Variants in GNPDA2 observed in about 807,000 individuals in gnomAD.
GNPDA2 encodes glucosamine-6-phosphate deaminase 2.
Under a neutral mutation model 27.0 loss-of-function variants are expected in GNPDA2, and 24 were observed. That is an observed-to-expected ratio of 0.89 (90% CI 0.64 to 1.25). The LOEUF is 1.25. GNPDA2 is among the 50% of genes most tolerant of loss of function. The pLI is 0.00. For missense variants in GNPDA2, 286 were observed against 335.1 expected (o/e 0.85, Z 1.14); for synonymous variants, 94 against 108.4 (o/e 0.87, Z 0.83).
intron 6 of GNPDA2, chr4:44,706,582 A>G (rs1488973669): frequency 6.6e-6 from 1 of 151,956 alleles, no homozygotes; most frequent in African/African-American, 2.4e-5. Flanking sequence ...TTGAATTAAA[A>G]ATTTAAGATT....
chr4:44,713,103 T>TA (rs1269676608), intron 4 of GNPDA2, among the ~76,000 whole-genome samples: 1 of 152,230 alleles, frequency 6.6e-6, no homozygotes, highest in Non-Finnish European at 1.5e-5. Context: ...GTATGGTTGC[T>TA]ATTCTTTGGT....
At chr4:44,715,732 C>T (rs1390165337) in intron 4 of GNPDA2, among the ~76,000 whole-genome samples, 1 of 152,004 alleles carries the variant, frequency 6.6e-6, no homozygotes. Context: ...TTATTTAAAA[C>T]AGATAACCTT....
At chr4:44,722,002 T>C (rs1470542884) in intron 2 of GNPDA2, 82 bp downstream of exon 2, 5 of 1,061,834 alleles carry the variant, frequency 4.7e-6, no homozygotes, top group Non-Finnish European at 7.0e-6. Context: ...ATGGGGAAAG[T>C]ATCTTAAAAG....
chr4:44,721,412 A>G (rs1717660740), intron 2 of GNPDA2, among the ~76,000 whole-genome samples: 1 of 152,160 alleles, frequency 6.6e-6, no homozygotes, highest in African/African-American at 2.4e-5. Flanking sequence ...CCTTGTAGTC[A>G]ATAAGGAGCA....
chr4:44,714,577 A>G (rs1717165495), intron 4 of GNPDA2: 1 of 984,242 alleles, frequency 1.0e-6, no homozygotes, highest in Admixed American at 6.2e-5. Context: ...CCAAACTGCA[A>G]TCTCTATTTC....
In GNPDA2 at chr4:44,703,142, C is replaced by T; in HGVS notation, c.770G>A (p.Gly257Asp). ...LRVKTVKYFK[G>D]LMHVHNKLVD... Reference sequence around the variant, plus strand: ...AAGTTTATTGTGCACATGCATTAGACCTTAAAGAAAAAAAGCACAGTTCTA... The same window carrying T: ...AAGTTTATTGTGCACATGCATTAGATCTTAAAGAAAAAAAGCACAGTTCTA... Residue 257 changes from glycine to aspartate, a missense_variant and splice_region_variant, in exon 7 of 7, where the codon GGT becomes GAT. Gly to Asp is a moderately conservative substitution (Grantham distance 94). Coordinates refer to ENST00000295448, the MANE Select transcript of GNPDA2 (RefSeq NM_138335.3). The T allele has an allele frequency of 6.2e-7, 1 of 1,606,054 alleles. No individual in the cohort carries two copies. The highest frequency in any genetic ancestry group is 2.2e-5 in the East Asian group (1 of 44,698).
chr4:44,704,138 G>C, intron 6 of GNPDA2: 2 of 985,154 alleles, frequency 2.0e-6, no homozygotes, highest in Non-Finnish European at 2.4e-6. Flanking sequence ...GTACTGGGAA[G>C]TGTTTGTGTA....
rs527665777 is a variant in GNPDA2 at position 44,711,208 on chromosome 4, G to T, written c.410-71C>A. The T allele has an allele frequency of 5.6e-6, 5 of 889,886 alleles. No homozygotes were observed. The South Asian group carries it at 1.4e-4, about 24-fold the overall frequency. 55.1% of individuals were successfully genotyped at this position (889,886 alleles called of 1,614,324 possible). A position where few individuals can be genotyped will look rare whatever the true frequency, so the allele number is the denominator to read the frequency against. ...TTCACAAAGTTCAATGTGCGTTAAA[G>T]AACAAAAAAAAAATCACCTTGTTTT... On this transcript the variant is annotated intron_variant, in intron 4 of 6. Transcript: ENST00000295448.
intron 6 of GNPDA2, chr4:44,704,871 T>C (rs1383712208): frequency 1.0e-6 from 1 of 983,660 alleles, no homozygotes; most frequent in Non-Finnish European, 1.2e-6. Flanking sequence ...AAAAAATTCA[T>C]GATGATGATG....
chr4:44,711,229 G>T, intron 4 of GNPDA2, 92 bp from the exon 5 acceptor site: 16 of 685,474 alleles, frequency 2.3e-5, no homozygotes, highest in East Asian at 6.7e-5. Flanking sequence ...AAATCACCTT[G>T]TTTTATTTTA....
intron 6 of GNPDA2, chr4:44,707,333 G>A (rs1457852519): frequency 5.1e-6 from 1 of 196,204 alleles, no homozygotes; most frequent in Non-Finnish European, 1.0e-5. Context: ...TTAGATAGTG[G>A]GAGATCTCTT....
chr4:44,704,028 T>C (rs1004236319), intron 6 of GNPDA2: 4 of 985,038 alleles, frequency 4.1e-6, no homozygotes, highest in Non-Finnish European at 4.8e-6. Flanking sequence ...GAGAGATAGG[T>C]TGCTTGTTAG....
At chr4:44,722,980 T>C (rs1163985655) in intron 1 of GNPDA2, among the ~76,000 whole-genome samples, 6 of 152,068 alleles carry the variant, frequency 3.9e-5, no homozygotes, top group Non-Finnish European at 8.8e-5. Context: ...ATAAGAGAAT[T>C]CAACAGAAGA....
At chr4:44,706,900 GCATA>G (rs1321167188) in intron 6 of GNPDA2, 7 of 151,946 alleles carry the variant, frequency 4.6e-5, no homozygotes, top group Non-Finnish European at 1.0e-4. Flanking sequence ...AGCAAAAGTA[GCATA>G]CATACTACAT....
At chr4:44,707,992 AAACGAG>A in intron 5 of GNPDA2, 66 bp from the exon 6 acceptor site, 1 of 1,139,058 alleles carries the variant, frequency 8.8e-7, no homozygotes, top group Non-Finnish European at 1.2e-6. Context: ...TATTTTTTTT[AAACGAG>A]AACTTAAGCA....
chr4:44,718,637 A>G (rs1201454934), intron 2 of GNPDA2, among the ~76,000 whole-genome samples: 1 of 151,956 alleles, frequency 6.6e-6, no homozygotes, highest in Non-Finnish European at 1.5e-5. Context: ...TAAAGTTTGG[A>G]AAATTATCCT....
At chr4:44,703,975 A>T (rs1448430029) in intron 6 of GNPDA2, 1 of 985,022 alleles carries the variant, frequency 1.0e-6, no homozygotes, top group Non-Finnish European at 1.2e-6. Context: ...GGGTGGGGAA[A>T]GGCACTTAAT....
In GNPDA2 at chr4:44,707,768, A is replaced by C. The variant is rs368026871; in HGVS notation, c.753T>G (p.Thr251=). The change falls in exon 6 of 7, where the codon ACT becomes ACG. Residue 251 remains threonine, a synonymous_variant. Transcript: ENST00000295448. ...AGTGCTCACCTTTAAAGTATTTCAC[A>C]GTTTTAACTCTTAATTCTAAAGTAG... ...EDATLELRVK[T]VKYFKGLMHV... 3 of 1,612,880 alleles carry C rather than the reference A, an allele frequency of 1.9e-6. No homozygotes were observed. The highest frequency in any genetic ancestry group is 1.3e-5 in the African/African-American group (1 of 75,000).
chr4:44,702,503 AT>A lies in GNPDA2; in HGVS notation c.*577del. 1.0e-6 allele frequency: 1 copy of A among 985,660 alleles called. No individual in the cohort carries two copies. The highest frequency in any genetic ancestry group is 1.2e-6 in the Non-Finnish European group (1 of 829,736). 61.1% of individuals were successfully genotyped at this position (985,660 alleles called of 1,614,324 possible). On this transcript the variant is annotated 3_prime_UTR_variant, in exon 7 of 7. Coordinates refer to ENST00000295448, the MANE Select transcript of GNPDA2 (RefSeq NM_138335.3). Reference sequence around the variant, plus strand: ...GCACTTACACATACTTTCCAAAAGGATGTAAACTGTACTTTTAGGCACTGTC... The same window carrying A: ...GCACTTACACATACTTTCCAAAAGGAGTAAACTGTACTTTTAGGCACTGTC...
Sources: allele counts gnomAD v4.1 joint callset (sites outside exome capture counted in the v4.1 genomes callset), GRCh38; gene constraint gnomAD v4.1.1; transcripts MANE v1.5; gene names NCBI Gene and HGNC (gene_info 2026-07-23, HGNC 2026-07-21).